AMPH: variants seen among roughly 807,000 people sequenced by gnomAD.
The protein encoded by AMPH is amphiphysin, also known as amphiphysin (Stiff-Mann syndrome with breast cancer 128kD autoantigen).
Under a neutral mutation model 99.1 loss-of-function variants are expected in AMPH, and 49 were observed. The ratio of observed to expected loss-of-function variants is 0.49; its 90% CI spans 0.39 to 0.63. AMPH has a LOEUF of 0.63. Ranked by LOEUF, AMPH falls within the 20% of genes least tolerant of loss-of-function variation. The pLI, the probability that AMPH is intolerant of heterozygous loss-of-function variation, is 0.00. For synonymous variants in AMPH, 314 were observed against 317.3 expected (o/e 0.99, Z 0.11); for missense variants, 759 against 863.4 (o/e 0.88, Z 1.52).
intron 12 of AMPH, among the ~76,000 whole-genome samples, chr7:38,432,989 T>C (rs887041934): frequency 6.6e-6 from 1 of 152,206 alleles, no homozygotes; most frequent in African/African-American, 2.4e-5. Flanking sequence ...CTCTTTCTTA[T>C]TTCCTTTATG....
intron 7 of AMPH, among the ~76,000 whole-genome samples, chr7:38,470,066 G>A (rs1258530874): frequency 6.6e-6 from 1 of 151,946 alleles, no homozygotes; most frequent in Non-Finnish European, 1.5e-5. Flanking sequence ...ATCAAGCTTG[G>A]GCCCTGTGGT....
rs770068742 is a variant in AMPH at position 38,476,942 on chromosome 7, G to A, written c.424C>T (p.Leu142=). 4 of 1,613,754 alleles carry A rather than the reference G, an allele frequency of 2.5e-6. No individual in the cohort carries two copies. The highest frequency in any genetic ancestry group is 4.5e-5 in the East Asian group (2 of 44,812). Residue 142 remains leucine (L), a synonymous_variant, in exon 6 of 21, where the codon CTA becomes TTA. Coordinates refer to ENST00000356264, the MANE Select transcript of AMPH (RefSeq NM_001635.4). The stretch of plus-strand genomic sequence containing the variant: ...TGGCGGGCACTGTCATAGTCCACTA[G>A]CTTCCTGCTGCGCTTGGCGATGCGA... ...KNRIAKRSRK[L]VDYDSARHHL...
At chr7:38,630,975 G>A (rs530208380) in intron 1 of AMPH, among the ~76,000 whole-genome samples, 2 of 152,210 alleles carry the variant, frequency 1.3e-5, no homozygotes, top group Non-Finnish European at 2.9e-5. Context: ...TACTTCTGTT[G>A]CCTGGCTTGG....
chr7:38,465,446 C>G, intron 9 of AMPH, 21 bp downstream of exon 9: 1 of 1,556,442 alleles, frequency 6.4e-7, no homozygotes, highest in Non-Finnish European at 8.7e-7. Flanking sequence ...ATTACAGGTG[C>G]TCCAATGAGC....
intron 7 of AMPH, among the ~76,000 whole-genome samples, chr7:38,469,720 C>A (rs1379608693): frequency 6.6e-6 from 1 of 152,104 alleles, no homozygotes; most frequent in Non-Finnish European, 1.5e-5. Context: ...CTCATGGTTT[C>A]CCCTCTCTCC....
chr7:38,628,286 T>C (rs1794328203), intron 1 of AMPH, among the ~76,000 whole-genome samples: 1 of 152,154 alleles, frequency 6.6e-6, no homozygotes. Context: ...TATCCAGAGT[T>C]GGCAAGTGTC....
intron 1 of AMPH, among the ~76,000 whole-genome samples, chr7:38,556,029 T>C (rs7785499): frequency 0.52 from 78,467 of 151,784 alleles, 20,436 homozygotes; most frequent in African/African-American, 0.57. Context: ...TCAGAATCCA[T>C]TGTACCCTAA....
At chr7:38,515,639 G>A (rs569915342) in intron 2 of AMPH, among the ~76,000 whole-genome samples, 32 of 152,278 alleles carry the variant, frequency 2.1e-4, no homozygotes, top group Non-Finnish European at 3.5e-4. Flanking sequence ...CCAAGCAGTG[G>A]GGCATTGCTA....
At chr7:38,545,152 G>T (rs1245451801) in intron 1 of AMPH, among the ~76,000 whole-genome samples, 1 of 152,192 alleles carries the variant, frequency 6.6e-6, no homozygotes, top group Admixed American at 6.5e-5. Flanking sequence ...GCCTAGAGTG[G>T]TGGTCTACAT....
chr7:38,409,131 G>C (rs1455161014), intron 17 of AMPH, among the ~76,000 whole-genome samples: 1 of 152,224 alleles, frequency 6.6e-6, no homozygotes, highest in Non-Finnish European at 1.5e-5. Context: ...TATGGAGCTG[G>C]AGGAAGTCCC....
At chr7:38,465,928 A>G (rs1360110404) in intron 8 of AMPH, among the ~76,000 whole-genome samples, 1 of 152,178 alleles carries the variant, frequency 6.6e-6, no homozygotes, top group Non-Finnish European at 1.5e-5. Flanking sequence ...GGGAATTCCA[A>G]CTTTATAAAC....
intron 2 of AMPH, among the ~76,000 whole-genome samples, chr7:38,504,804 TA>T (rs1432212191): frequency 6.6e-6 from 1 of 152,172 alleles, no homozygotes; most frequent in Non-Finnish European, 1.5e-5. Flanking sequence ...AAAAAGGTAC[TA>T]GGGGCATATG....
intron 7 of AMPH, among the ~76,000 whole-genome samples, chr7:38,471,433 TA>T (rs1415007340): frequency 6.6e-6 from 1 of 152,210 alleles, no homozygotes; most frequent in East Asian, 1.9e-4. Flanking sequence ...TTTCCTTTTT[TA>T]AAATTGAACC....
At chr7:38,610,408 G>C in intron 1 of AMPH, among the ~76,000 whole-genome samples, 1 of 142,234 alleles carries the variant, frequency 7.0e-6, no homozygotes. Context: ...GAAAAGAAAA[G>C]AAAAAAGAAA....
At chr7:38,484,025 G>C (rs1584151464) in intron 5 of AMPH, among the ~76,000 whole-genome samples, 1 of 151,844 alleles carries the variant, frequency 6.6e-6, no homozygotes. Flanking sequence ...GCAGAAAAAA[G>C]GATCAATAAA....
chr7:38,593,777 C>G (rs1792946187), intron 1 of AMPH, among the ~76,000 whole-genome samples: 1 of 152,152 alleles, frequency 6.6e-6, no homozygotes, highest in African/African-American at 2.4e-5. Flanking sequence ...TTGCATTCAA[C>G]TGGGTAGAGA....
At chr7:38,537,121 T>C (rs1790635308) in intron 1 of AMPH, among the ~76,000 whole-genome samples, 1 of 152,194 alleles carries the variant, frequency 6.6e-6, no homozygotes, top group South Asian at 2.1e-4. Flanking sequence ...TAGATTTTAG[T>C]ACAAGTTAAG....
intron 1 of AMPH, among the ~76,000 whole-genome samples, chr7:38,612,766 G>T (rs1292051420): frequency 6.6e-6 from 1 of 152,012 alleles, no homozygotes; most frequent in Non-Finnish European, 1.5e-5. Flanking sequence ...AGAACACTTG[G>T]GTGTGACCAA....
intron 19 of AMPH, among the ~76,000 whole-genome samples, chr7:38,390,961 CAGAGAGAGAGAGAGAGAG>C (rs199667568): frequency 0.011 from 1,464 of 129,280 alleles, 23 homozygotes; most frequent in African/African-American, 0.027. Flanking sequence ...GAGACAAAGA[CAGAGAGAGAGAGAGAGAG>C]AGAGAGAGAG....
Sources: allele counts gnomAD v4.1 joint callset (sites outside exome capture counted in the v4.1 genomes callset), GRCh38; gene constraint gnomAD v4.1.1; transcripts MANE v1.5; gene names NCBI Gene and HGNC (gene_info 2026-07-23, HGNC 2026-07-21).